The following PRELID2 variants were observed in gnomAD, a reference collection of about 807,000 sequenced individuals.
The protein encoded by PRELID2 is PRELI domain-containing protein 2.
A neutral mutation model predicts 28.4 loss-of-function variants in PRELID2; 25 were observed. The ratio of observed to expected loss-of-function variants is 0.88; its 90% CI spans 0.64 to 1.23. The LOEUF (loss-of-function observed/expected upper bound fraction) is 1.23. PRELID2 is among the 50% of genes most tolerant of loss of function. The pLI is 0.00. For synonymous variants in PRELID2, 76 were observed against 71.6 expected, an observed-to-expected ratio of 1.06 and a Z score of -0.31; for missense variants, 201 against 214.4, an observed-to-expected ratio of 0.94 and a Z score of 0.39.
At chr5:145,333,426 C>T in the PRELID2 span, among the ~76,000 whole-genome samples, 2 of 152,184 alleles carry the variant, frequency 1.3e-5, no homozygotes, top group African/African-American at 4.8e-5. Context: ...TATCTATAAG[C>T]CCCTGACTGG....
the PRELID2 span, among the ~76,000 whole-genome samples, chr5:145,446,017 T>C: frequency 1.3e-5 from 2 of 151,998 alleles, no homozygotes; most frequent in African/African-American, 4.8e-5. Flanking sequence ...TGTTAAACGA[T>C]ACAAAATTAT....
At chr5:145,736,726 G>A (rs750646816) in intron 1 of PRELID2, among the ~76,000 whole-genome samples, 4 of 152,148 alleles carry the variant, frequency 2.6e-5, no homozygotes, top group Non-Finnish European at 5.9e-5. Context: ...ATATGTAAAT[G>A]ATCAATAAAT....
chr5:145,519,955 C>A (rs989762310), intron 1 of PRELID2, among the ~76,000 whole-genome samples: 28 of 152,070 alleles, frequency 1.8e-4, no homozygotes, highest in Admixed American at 1.8e-3. Flanking sequence ...CATACTTATG[C>A]TCTTTGTAAT....
At chr5:145,485,760 T>C (rs941053113) in intron 1 of PRELID2, among the ~76,000 whole-genome samples, 7 of 152,288 alleles carry the variant, frequency 4.6e-5, no homozygotes, top group South Asian at 2.1e-4. Flanking sequence ...ATAAGGTACA[T>C]GCTCATTCTC....
chr5:145,289,882 T>C, the PRELID2 span, among the ~76,000 whole-genome samples: 1 of 152,210 alleles, frequency 6.6e-6, no homozygotes, highest in Non-Finnish European at 1.5e-5. Context: ...ATAAGCTTAT[T>C]TGGCATTTGT....
At chr5:145,257,341 A>G in the PRELID2 span, among the ~76,000 whole-genome samples, 1 of 152,246 alleles carries the variant, frequency 6.6e-6, no homozygotes, top group African/African-American at 2.4e-5. Flanking sequence ...TGCTTACTGT[A>G]ATTTTTAGAG....
the PRELID2 span, among the ~76,000 whole-genome samples, chr5:145,335,082 C>T: frequency 6.6e-6 from 1 of 151,960 alleles, no homozygotes; most frequent in Non-Finnish European, 1.5e-5. Flanking sequence ...CTTTCTTATA[C>T]CATGAGTTTC....
At chr5:145,698,308 A>T (rs989725867) in intron 1 of PRELID2, among the ~76,000 whole-genome samples, 1 of 152,228 alleles carries the variant, frequency 6.6e-6, no homozygotes, top group African/African-American at 2.4e-5. Context: ...TGATATTTTA[A>T]CTTTTAAATG....
the PRELID2 span, among the ~76,000 whole-genome samples, chr5:145,300,754 A>T: frequency 6.7e-6 from 1 of 149,062 alleles, no homozygotes; most frequent in East Asian, 2.0e-4. Flanking sequence ...TCCCACTAAG[A>T]ATATTTACGT....
At chr5:145,281,590 C>T in the PRELID2 span, among the ~76,000 whole-genome samples, 1 of 152,152 alleles carries the variant, frequency 6.6e-6, no homozygotes, top group Non-Finnish European at 1.5e-5. Context: ...AATGACAACA[C>T]CGTCAAAGAA....
intron 1 of PRELID2, among the ~76,000 whole-genome samples, chr5:145,653,433 C>A (rs1295721853): frequency 6.6e-6 from 1 of 152,244 alleles, no homozygotes; most frequent in Non-Finnish European, 1.5e-5. Flanking sequence ...CACCCCAAAT[C>A]AACAGAATAT....
At chr5:145,773,977 T>A (rs1299586188) in intron 5 of PRELID2, among the ~76,000 whole-genome samples, 2 of 152,236 alleles carry the variant, frequency 1.3e-5, no homozygotes, top group Non-Finnish European at 2.9e-5. Flanking sequence ...TGCAATTCTA[T>A]AAGTCAATGA....
In PRELID2 at chr5:145,520,467, C is replaced by T. The variant is rs143709662; in HGVS notation, n.71-47152G>A. 2.3e-3 allele frequency among the ~76,000 whole-genome samples: 347 copies of T among 152,292 alleles called. 1 individual carries two copies. Among genetic ancestry groups the T allele is most frequent in the African/African-American group, 7.8e-3 (326 of 41,566 alleles). ...ACGCTGAACCACAGCACACACAAGC[C>T]TTCTTCAGTTTCCCAACACACAGTG... On this transcript the variant is annotated intron_variant and non_coding_transcript_variant, in intron 1 of 2. Transcript: ENST00000510259.
intron 1 of PRELID2, among the ~76,000 whole-genome samples, chr5:145,551,239 A>G (rs1752831076): frequency 6.6e-6 from 1 of 151,870 alleles, no homozygotes; most frequent in South Asian, 2.1e-4. Context: ...TGTCTCTACT[A>G]AAAATACAAA....
At chr5:145,270,834 G>A in the PRELID2 span, among the ~76,000 whole-genome samples, 8 of 152,060 alleles carry the variant, frequency 5.3e-5, no homozygotes, top group African/African-American at 1.4e-4. Flanking sequence ...TTCCCACTTT[G>A]AATTGCCCTG....
downstream of PRELID2, among the ~76,000 whole-genome samples, chr5:145,470,416 G>A (rs576988283): frequency 7.2e-5 from 11 of 152,190 alleles, no homozygotes; most frequent in East Asian, 1.2e-3. Flanking sequence ...CTAAGTAATC[G>A]TAGCTAACAT....
the PRELID2 span, among the ~76,000 whole-genome samples, chr5:145,257,095 A>T: frequency 1.3e-5 from 2 of 151,958 alleles, no homozygotes; most frequent in African/African-American, 4.8e-5. Flanking sequence ...AATGCATTTT[A>T]AAAATTATTC....
chr5:145,688,355 G>A (rs1257377676), intron 1 of PRELID2, among the ~76,000 whole-genome samples: 1 of 152,122 alleles, frequency 6.6e-6, no homozygotes, highest in Non-Finnish European at 1.5e-5. Context: ...CAGCAGTAAT[G>A]GTAACTGGAG....
the PRELID2 span, among the ~76,000 whole-genome samples, chr5:145,243,734 T>C: frequency 6.6e-6 from 1 of 152,130 alleles, no homozygotes. Context: ...GTTTACAGAA[T>C]TGCTTGAATG....
Sources: gnomAD v4.1 joint callset for allele counts (sites outside exome capture counted in the v4.1 genomes callset) on GRCh38, gnomAD v4.1.1 for gene constraint, MANE v1.5 for transcripts, NCBI Gene and HGNC (gene_info 2026-07-23, HGNC 2026-07-21) for gene names.